The following PCDH15 variants were observed in gnomAD, a reference collection of about 807,000 sequenced individuals.
PCDH15 encodes the protein protocadherin related 15, also known as protocadherin-15.
In PCDH15, 129 loss-of-function variants were observed where a neutral mutation model predicts 178.5. That is an observed-to-expected ratio of 0.72 (90% CI 0.63 to 0.84). The LOEUF (loss-of-function observed/expected upper bound fraction) is 0.84. Ranked by LOEUF, PCDH15 falls within the 40% of genes least tolerant of loss-of-function variation. PCDH15 has a pLI of 0.00. For missense variants in PCDH15, 2,230 were observed against 2,099.9 expected (o/e 1.06, Z -1.21); for synonymous variants, 800 against 732.0 (o/e 1.09, Z -1.50).
At chr10:54,593,354 G>T (rs759273215) in intron 2 of PCDH15, among the ~76,000 whole-genome samples, 6 of 151,914 alleles carry the variant, frequency 3.9e-5, no homozygotes, top group Non-Finnish European at 7.4e-5. Context: ...TTTTATTTTT[G>T]TATGTGGTAA....
At chr10:54,716,254 T>G (rs896195839) in intron 1 of PCDH15, among the ~76,000 whole-genome samples, 2 of 151,996 alleles carry the variant, frequency 1.3e-5, no homozygotes, top group Non-Finnish European at 2.9e-5. Flanking sequence ...ACAGAGAGCT[T>G]CTCCCATTAA....
intron 1 of PCDH15, among the ~76,000 whole-genome samples, chr10:55,260,150 G>C (rs1054145229): frequency 7.9e-5 from 12 of 151,468 alleles, no homozygotes; most frequent in African/African-American, 2.7e-4. Flanking sequence ...TGCCCTTCTC[G>C]GTGACAGTAA....
chr10:55,153,959 C>A (rs1393573408), intron 2 of PCDH15, among the ~76,000 whole-genome samples: 1 of 152,124 alleles, frequency 6.6e-6, no homozygotes, highest in Non-Finnish European at 1.5e-5. Context: ...AATTGGCTTT[C>A]TCATTAAAAA....
At chr10:54,079,297 A>G in intron 17 of PCDH15, 34 bp downstream of exon 17, 3 of 1,590,516 alleles carry the variant, frequency 1.9e-6, no homozygotes, top group Non-Finnish European at 1.7e-6. Context: ...CCTTAATACT[A>G]TTTTTAAAAC....
At chr10:54,698,677 A>G (rs150675746) in intron 1 of PCDH15, among the ~76,000 whole-genome samples, 1 of 152,240 alleles carries the variant, frequency 6.6e-6, no homozygotes, top group African/African-American at 2.4e-5. Flanking sequence ...CACTTGTAAA[A>G]TGAAGATAAT....
intron 16 of PCDH15, among the ~76,000 whole-genome samples, chr10:54,088,954 A>G (rs1480921527): frequency 6.6e-6 from 1 of 152,152 alleles, no homozygotes; most frequent in Non-Finnish European, 1.5e-5. Flanking sequence ...ATTTTCTTTA[A>G]TGATGATTGT....
intron 2 of PCDH15, among the ~76,000 whole-genome samples, chr10:55,146,858 AC>A (rs1838527052): frequency 4.0e-5 from 1 of 25,038 alleles, no homozygotes; most frequent in East Asian, 5.6e-4. Context: ...ACTTTTACTG[AC>A]TTATGATTAC....
At chr10:55,245,591 G>A (rs1224561094) in intron 1 of PCDH15, among the ~76,000 whole-genome samples, 1 of 152,044 alleles carries the variant, frequency 6.6e-6, no homozygotes, top group East Asian at 1.9e-4. Context: ...AATGGATTAT[G>A]TTCTTAAAAT....
At chr10:54,408,818 G>A (rs10733929) in intron 3 of PCDH15, among the ~76,000 whole-genome samples, 1 of 152,048 alleles carries the variant, frequency 6.6e-6, no homozygotes, top group Non-Finnish European at 1.5e-5. Context: ...TGTGGTTCTG[G>A]TGTTAGCTGT....
At chr10:54,849,088 C>A (rs909299175) in intron 3 of PCDH15, among the ~76,000 whole-genome samples, 9 of 151,856 alleles carry the variant, frequency 5.9e-5, no homozygotes, top group African/African-American at 1.9e-4. Context: ...TACGTGTTTC[C>A]CTTTCTTATT....
chr10:53,995,517 A>T, intron 21 of PCDH15, 132 bp downstream of exon 21: 1 of 1,523,080 alleles, frequency 6.6e-7, no homozygotes, highest in Non-Finnish European at 9.0e-7. Flanking sequence ...TAAGTAAAAG[A>T]ACATAAAATG....
intron 1 of PCDH15, among the ~76,000 whole-genome samples, chr10:54,784,713 C>T (rs1046074615): frequency 3.3e-5 from 5 of 151,592 alleles, no homozygotes; most frequent in African/African-American, 9.7e-5. Context: ...AATTGTGGTG[C>T]TATGATCAGA....
chr10:54,513,556 A>T (rs1236801356), intron 3 of PCDH15, among the ~76,000 whole-genome samples: 1 of 152,196 alleles, frequency 6.6e-6, no homozygotes, highest in African/African-American at 2.4e-5. Flanking sequence ...AATTTTTGTC[A>T]TCATTGTAGA....
chr10:54,102,723 T>C (rs1590438272), intron 15 of PCDH15, among the ~76,000 whole-genome samples: 2 of 152,180 alleles, frequency 1.3e-5, no homozygotes, highest in South Asian at 4.1e-4. Flanking sequence ...AATGTGGGGG[T>C]TCTGCCAGCT....
chr10:55,545,032 A>T (rs988801325), intron 2 of PCDH15, among the ~76,000 whole-genome samples: 2 of 152,162 alleles, frequency 1.3e-5, no homozygotes, highest in Non-Finnish European at 2.9e-5. Context: ...TTTAAAGTGT[A>T]TCTTCAAAGA....
At chr10:55,169,129 T>A (rs797013551) in intron 1 of PCDH15, among the ~76,000 whole-genome samples, 6 of 152,270 alleles carry the variant, frequency 3.9e-5, no homozygotes, top group African/African-American at 1.4e-4. Flanking sequence ...TTAACCGCTC[T>A]TAACTACTTC....
At chr10:53,971,876 T>C (rs1234593140) in intron 21 of PCDH15, among the ~76,000 whole-genome samples, 1 of 152,168 alleles carries the variant, frequency 6.6e-6, no homozygotes, top group Non-Finnish European at 1.5e-5. Context: ...AGGTAATTTA[T>C]AGATTCAATG....
chr10:55,099,139 G>A (rs1329827927), intron 2 of PCDH15, among the ~76,000 whole-genome samples: 1 of 151,846 alleles, frequency 6.6e-6, no homozygotes, highest in Non-Finnish European at 1.5e-5. Context: ...TGTTGCTCAC[G>A]CTGATCTTAA....
At chr10:54,164,192 C>T (rs1025937262) in intron 13 of PCDH15, among the ~76,000 whole-genome samples, 1 of 152,124 alleles carries the variant, frequency 6.6e-6, no homozygotes, top group Admixed American at 6.5e-5. Context: ...AATGACTACT[C>T]TGGTAATGTA....
Sources: gnomAD v4.1 joint callset for allele counts (sites outside exome capture counted in the v4.1 genomes callset) on GRCh38, gnomAD v4.1.1 for gene constraint, MANE v1.5 for transcripts, NCBI Gene and HGNC (gene_info 2026-07-23, HGNC 2026-07-21) for gene names.